Variants in OPCML observed in about 807,000 individuals in gnomAD.
OPCML encodes the protein opioid-binding protein/cell adhesion molecule.
Under a neutral mutation model 37.8 loss-of-function variants are expected in OPCML, and 13 were observed. The observed-to-expected ratio is 0.34, with a 90% CI of 0.22 to 0.55. The LOEUF (loss-of-function observed/expected upper bound fraction) is 0.55, where lower values mean the gene tolerates loss of function less well. OPCML is among the 20% of genes least tolerant of loss of function. The pLI is 0.91. For missense variants in OPCML, 341 were observed against 435.6 expected (o/e 0.78, Z 1.93); for synonymous variants, 176 against 168.8 (o/e 1.04, Z -0.33).
intron 4 of OPCML, among the ~76,000 whole-genome samples, chr11:132,468,696 A>G (rs2096126769): frequency 6.6e-6 from 1 of 152,246 alleles, no homozygotes. Context: ...TAAACAAGTA[A>G]TTAAGAGAGC....
chr11:133,001,237 C>A (rs528241858), intron 1 of OPCML, among the ~76,000 whole-genome samples: 1 of 151,912 alleles, frequency 6.6e-6, no homozygotes, highest in African/African-American at 2.4e-5. Context: ...GGTTGGAGTC[C>A]CTATTTCAAA....
chr11:132,946,066 G>A (rs2136686578), intron 1 of OPCML, among the ~76,000 whole-genome samples: 1 of 152,318 alleles, frequency 6.6e-6, no homozygotes, highest in South Asian at 2.1e-4. Flanking sequence ...ACAGGTGTGA[G>A]CCACTGCGCC....
chr11:133,448,659 T>C (rs1253321259), intron 1 of OPCML, among the ~76,000 whole-genome samples: 1 of 152,180 alleles, frequency 6.6e-6, no homozygotes, highest in African/African-American at 2.4e-5. Flanking sequence ...GGTTTCACCA[T>C]GTTGGCCAGG....
chr11:132,456,276 T>C (rs542262688), intron 4 of OPCML, among the ~76,000 whole-genome samples: 1 of 152,228 alleles, frequency 6.6e-6, no homozygotes, highest in Admixed American at 6.5e-5. Flanking sequence ...TACATAACAA[T>C]GAAAAATTGA....
chr11:133,407,922 T>C (rs2136858157), intron 1 of OPCML, among the ~76,000 whole-genome samples: 1 of 152,268 alleles, frequency 6.6e-6, no homozygotes, highest in African/African-American at 2.4e-5. Context: ...CTCCAAGCTC[T>C]CCCCTACATC....
chr11:132,837,360 A>G (rs1941073813), intron 2 of OPCML, among the ~76,000 whole-genome samples: 1 of 152,098 alleles, frequency 6.6e-6, no homozygotes, highest in African/African-American at 2.4e-5. Context: ...AACAGTAATC[A>G]TGACATCCTA....
chr11:132,497,069 G>A (rs980384292), intron 4 of OPCML, among the ~76,000 whole-genome samples: 1 of 152,172 alleles, frequency 6.6e-6, no homozygotes, highest in Non-Finnish European at 1.5e-5. Flanking sequence ...CCATAAAAAG[G>A]AATAAGATCA....
intron 1 of OPCML, among the ~76,000 whole-genome samples, chr11:133,474,123 C>A (rs1175435851): frequency 6.6e-6 from 1 of 152,132 alleles, no homozygotes; most frequent in Non-Finnish European, 1.5e-5. Flanking sequence ...AGTAAATTAG[C>A]TTAAGTCTTG....
At chr11:132,503,208 G>C (rs2096249370) in intron 4 of OPCML, among the ~76,000 whole-genome samples, 1 of 152,220 alleles carries the variant, frequency 6.6e-6, no homozygotes, top group East Asian at 1.9e-4. Context: ...GTTGGCTGGT[G>C]ATGTTTTATT....
rs2095936700 is a variant in OPCML at position 132,415,800 on chromosome 11, A to G, written c.*4393T>C. 1 of 152,622 alleles carries G rather than the reference A, an allele frequency of 6.6e-6. No individual in the cohort carries two copies. Among genetic ancestry groups the G allele is most frequent in the Non-Finnish European group, 1.5e-5 (1 of 68,048 alleles). The allele number at this position is 152,622 out of a possible 1,614,324, so 9.5% of individuals were successfully genotyped here. On this transcript the variant is annotated 3_prime_UTR_variant, in exon 8 of 8. Transcript: ENST00000524381. ...TATCTTTTTTGCCACATCTTTAATT[A>G]CAAATCTATTTCTTCTTCCTTTCAT...
chr11:132,630,578 T>C (rs1017613736), intron 3 of OPCML, among the ~76,000 whole-genome samples: 3 of 152,086 alleles, frequency 2.0e-5, no homozygotes, highest in Non-Finnish European at 4.4e-5. Context: ...GCAGAGAGCA[T>C]ATACCACTAC....
chr11:132,885,237 A>G (rs1943365659), intron 2 of OPCML, among the ~76,000 whole-genome samples: 1 of 152,206 alleles, frequency 6.6e-6, no homozygotes, highest in Admixed American at 6.5e-5. Context: ...AAATCCGGGG[A>G]ACTGATAAGC....
chr11:133,306,976 C>T (rs937549146), intron 1 of OPCML, among the ~76,000 whole-genome samples: 1 of 152,076 alleles, frequency 6.6e-6, no homozygotes, highest in Admixed American at 6.6e-5. Flanking sequence ...TAACCCTGTA[C>T]CACGAATGTA....
At chr11:133,375,505 C>T (rs1018968124) in intron 1 of OPCML, among the ~76,000 whole-genome samples, 1 of 152,204 alleles carries the variant, frequency 6.6e-6, no homozygotes, top group East Asian at 1.9e-4. Context: ...CTAGTAATGA[C>T]TTGAGAACTA....
At chr11:133,468,832 G>T (rs1947034512) in intron 1 of OPCML, among the ~76,000 whole-genome samples, 1 of 152,214 alleles carries the variant, frequency 6.6e-6, no homozygotes. Context: ...GAAGAGGATA[G>T]GTAAGCAGTA....
intron 1 of OPCML, among the ~76,000 whole-genome samples, chr11:133,328,518 T>C (rs1943534786): frequency 6.6e-6 from 1 of 152,166 alleles, no homozygotes; most frequent in Non-Finnish European, 1.5e-5. Context: ...CATATAGTAA[T>C]GCAATACTCA....
chr11:132,973,013 C>T (rs1946376605), intron 1 of OPCML, among the ~76,000 whole-genome samples: 1 of 152,196 alleles, frequency 6.6e-6, no homozygotes, highest in Non-Finnish European at 1.5e-5. Context: ...GGTACTGAGC[C>T]TCCAGCTATC....
chr11:132,954,122 G>C (rs926404962), intron 1 of OPCML, among the ~76,000 whole-genome samples: 3 of 136,220 alleles, frequency 2.2e-5, no homozygotes, highest in Non-Finnish European at 4.8e-5. Context: ...ATTCTTTCTT[G>C]GGTTTTTTGT....
chr11:132,916,485 G>C (rs1944610100), intron 2 of OPCML, among the ~76,000 whole-genome samples: 1 of 152,156 alleles, frequency 6.6e-6, no homozygotes, highest in Non-Finnish European at 1.5e-5. Flanking sequence ...GTGGAGACAG[G>C]TAAGTAAAAT....
Sources: gnomAD v4.1 joint callset for allele counts (sites outside exome capture counted in the v4.1 genomes callset) on GRCh38, gnomAD v4.1.1 for gene constraint, MANE v1.5 for transcripts, NCBI Gene and HGNC (gene_info 2026-07-23, HGNC 2026-07-21) for gene names.